CHRD: variants seen among roughly 807,000 people sequenced by gnomAD.
CHRD encodes chordin.
In CHRD, 69 loss-of-function variants were observed where a neutral mutation model predicts 113.7. That is an observed-to-expected ratio of 0.61 (90% CI 0.50 to 0.74). The LOEUF is 0.74. Ranked by LOEUF, CHRD falls within the 30% of genes least tolerant of loss-of-function variation. CHRD has a pLI of 0.00. For synonymous variants in CHRD, 561 were observed against 540.8 expected, an observed-to-expected ratio of 1.04 and a Z score of -0.52; for missense variants, 1,194 against 1,295.8, an observed-to-expected ratio of 0.92 and a Z score of 1.21.
In CHRD at chr3:184,380,510, G is replaced by T. The variant is rs1259558787; in HGVS notation, c.148+44G>T. The T allele has an allele frequency of 3.5e-6, 4 of 1,136,078 alleles. No individual in the cohort carries two copies. In the South Asian group the frequency reaches 1.2e-4, roughly 33 times the overall value. 70.4% of individuals were successfully genotyped at this position (1,136,078 alleles called of 1,614,324 possible). On this transcript the variant is annotated intron_variant, in intron 1 of 22. Transcript: ENST00000204604. The surrounding 1 kb of genome is among the most constrained non-coding windows in gnomAD (Gnocchi z 6.3). Reference sequence around the variant, plus strand: ...GAGGCGCGGGCGGGGAGTCGGGCTCGGGGCGAGTCAGCGCCAGCCCGGAGG... The same window carrying T: ...GAGGCGCGGGCGGGGAGTCGGGCTCTGGGCGAGTCAGCGCCAGCCCGGAGG...
At chr3:184,382,083 C>T (rs1025101962) in intron 6 of CHRD, 63 bp downstream of exon 6, 1 of 1,590,204 alleles carries the variant, frequency 6.3e-7, no homozygotes, top group Admixed American at 1.7e-5. Flanking sequence ...GCATGCTCTG[C>T]ATTGCCTCCC....
rs1715476170 is a variant in CHRD, at chr3:184,381,789, C to CCTCCGCTT, written c.589_596dup (p.Ile200AlafsTer63). The CCTCCGCTT allele has an allele frequency of 6.2e-7, 1 of 1,613,354 alleles. No homozygotes were observed. Among genetic ancestry groups the CCTCCGCTT allele is most frequent in the Non-Finnish European group, 8.5e-7 (1 of 1,179,958 alleles). ...CCCGAGTCTCGCTGCTGCGCTCTAG[C>CCTCCGCTT]CTCCGCTTCTCTATCTCCTACAGGC... On this transcript the variant is annotated frameshift_variant, in exon 5 of 23. Transcript: ENST00000204604. LOFTEE classifies it high-confidence loss of function. This position sits in a 1 kb window ranked among gnomAD's most constrained non-coding sequence, Gnocchi z 4.7.
intron 22 of CHRD, 63 bp downstream of exon 22, chr3:184,389,058 T>G: frequency 8.4e-7 from 1 of 1,190,070 alleles, no homozygotes; most frequent in African/African-American, 1.5e-5. Flanking sequence ...GTGGGACTCC[T>G]GATCAGGGAA....
chr3:184,386,693 C>T (rs1274001228), exon 16 of CHRD: 9 of 1,612,358 alleles, frequency 5.6e-6, no homozygotes, highest in East Asian at 4.5e-5. Flanking sequence ...GGGGCAGCAG[C>T]GCCCCCACGG....
In CHRD at chr3:184,384,490, T is replaced by C. The variant is rs562994938; in HGVS notation, c.1441-47T>C. 74 of 1,435,190 alleles carry C rather than the reference T, an allele frequency of 5.2e-5. 1 individual carries two copies. In the South Asian group the frequency reaches 1.1e-3, roughly 21 times the overall value. The allele number at this position is 1,435,190 out of a possible 1,614,324, so 88.9% of individuals were successfully genotyped here. A position where few individuals can be genotyped will look rare whatever the true frequency, so the allele number is the denominator to read the frequency against. On this transcript the variant is annotated intron_variant, in intron 12 of 22. Coordinates refer to ENST00000204604, the Ensembl canonical transcript of CHRD. The surrounding 1 kb of genome is among the most constrained non-coding windows in gnomAD (Gnocchi z 4.4). ...CAAAATGGTCCAAGACTTCAGAACC[T>C]TGGACTCGTGTGAGAGCTGAGAAGG...
chr3:184,385,230 G>A, exon 14 of CHRD: 7 of 1,612,762 alleles, frequency 4.3e-6, no homozygotes, highest in Non-Finnish European at 5.1e-6. Context: ...GGGATTCTAT[G>A]GCTCAGAGGT....
In CHRD at chr3:184,387,545, A is replaced by C; in HGVS notation, c.2451+68A>C. ...TCTGCAGAGATGGGGAGGGGCTGCC[A>C]GGTGAGGAAGGCCCGTCCTTGGTGA... is the stretch of plus-strand genomic sequence containing the variant. On this transcript the variant is annotated intron_variant, in intron 19 of 22. Coordinates refer to ENST00000204604, the Ensembl canonical transcript of CHRD. This position sits in a 1 kb window ranked among gnomAD's most constrained non-coding sequence, Gnocchi z 6.1. The C allele has an allele frequency of 7.2e-7, 1 of 1,388,540 alleles. No homozygotes were observed. The highest frequency in any genetic ancestry group is 2.4e-5 in the Admixed American group (1 of 40,950). The allele number at this position is 1,388,540 out of a possible 1,614,324, so 86.0% of individuals were successfully genotyped here.
At position 184,381,591 on chromosome 3, in the gene CHRD, G is replaced by A; in HGVS notation, c.478G>A (p.Ala160Thr). ...TTATAGCGACCGCGGGGAGCCAGGC[G>A]CTGAGGAGCGGGCCCGTGGTGACGG... The change falls in exon 4 of 23, where the codon GCT becomes ACT. Residue 160 changes from alanine (A) to threonine (T), a missense_variant. By Grantham distance (58) the Ala-to-Thr change is moderately conservative. Coordinates refer to ENST00000204604, the Ensembl canonical transcript of CHRD. The surrounding 1 kb of genome is among the most constrained non-coding windows in gnomAD (Gnocchi z 4.7). The A allele has an allele frequency of 1.9e-6, 3 of 1,607,990 alleles. No homozygotes were observed. The highest frequency in any genetic ancestry group is 2.5e-6 in the Non-Finnish European group (3 of 1,177,372).
chr3:184,388,879 C>T lies in CHRD; in HGVS notation c.2710-14C>T, dbSNP rs772963119. 5.0e-6 allele frequency: 8 copies of T among 1,611,168 alleles called. No homozygotes were observed. The highest frequency in any genetic ancestry group is 1.3e-5 in the African/African-American group (1 of 74,906). On this transcript the variant is annotated splice_polypyrimidine_tract_variant and intron_variant, in intron 21 of 22. Transcript: ENST00000204604. This position sits in a 1 kb window ranked among gnomAD's most constrained non-coding sequence, Gnocchi z 6.1. ...CTCTGGGGGACACTCAGTGTCTGCT[C>T]TGTCTTGTACCAGGCAGGGGTGCCT... is the stretch of plus-strand genomic sequence containing the variant.
intron 11 of CHRD, 36 bp downstream of exon 11, chr3:184,383,454 T>A: frequency 6.2e-7 from 1 of 1,612,486 alleles, no homozygotes; most frequent in Non-Finnish European, 8.5e-7. Context: ...GGGGGAGGGG[T>A]GGCGTGGGCA....
Position 184,381,335 on chromosome 3 carries a change from C to T in CHRD, c.353C>T (p.Pro118Leu), listed in dbSNP as rs201984321. 3.7e-6 allele frequency: 6 copies of T among 1,603,468 alleles called. No homozygotes were observed. The highest frequency in any genetic ancestry group is 1.1e-5 in the South Asian group (1 of 89,964). The stretch of plus-strand genomic sequence containing the variant: ...GCCTGTGGGCAGCCGCGCCAGCTGC[C>T]GGGACACTGCTGCCAGACCTGCCCC... The change falls in exon 3 of 23, where the codon CCG (proline) becomes CTG (leucine). Residue 118 changes from proline to leucine, a missense_variant. Pro to Leu is a moderately conservative substitution (Grantham distance 98). Coordinates refer to ENST00000204604, the Ensembl canonical transcript of CHRD. The surrounding 1 kb of genome is among the most constrained non-coding windows in gnomAD (Gnocchi z 4.7).
Position 184,381,827 on chromosome 3 carries a change from G to A in CHRD, c.611+12G>A, listed in dbSNP as rs1222280411. ...ATCTCCTACAGGCGGTGAGAAAGGG[G>A]AAGGAGCAAGGAGGGGTCAGCTGCC... On this transcript the variant is annotated intron_variant, in intron 5 of 22. Coordinates refer to ENST00000204604, the Ensembl canonical transcript of CHRD. This position sits in a 1 kb window ranked among gnomAD's most constrained non-coding sequence, Gnocchi z 4.7. 7 of 1,612,492 alleles carry A rather than the reference G, an allele frequency of 4.3e-6. No homozygotes were observed. The highest frequency in any genetic ancestry group is 2.7e-5 in the African/African-American group (2 of 74,928).
At chr3:184,385,349 G>C in intron 14 of CHRD, 111 bp downstream of exon 14, 1 of 750,704 alleles carries the variant, frequency 1.3e-6, no homozygotes, top group Non-Finnish European at 2.2e-6. Context: ...GTATAGAAGA[G>C]CTGGCATAAA....
rs1170976903 is a variant in CHRD, at chr3:184,387,992, C to T, written c.2513C>T (p.Pro838Leu). ...TGTCCCCGGCTGGCCTGTGCCCAGC[C>T]TGTGCGTGTCAACCCCACCGACTGC... Residue 838 changes from proline to leucine, a missense_variant, in exon 20 of 23, where the codon CCT becomes CTT. Coordinates refer to ENST00000204604, the Ensembl canonical transcript of CHRD. This position sits in a 1 kb window ranked among gnomAD's most constrained non-coding sequence, Gnocchi z 6.1. The T allele has an allele frequency of 6.2e-7, 1 of 1,613,792 alleles. No individual in the cohort carries two copies. Among genetic ancestry groups the T allele is most frequent in the East Asian group, 2.2e-5 (1 of 44,864 alleles).
exon 11 of CHRD, chr3:184,383,396 G>A: frequency 1.2e-6 from 2 of 1,614,060 alleles, no homozygotes; most frequent in Non-Finnish European, 8.5e-7. Context: ...ACGCTGCTAG[G>A]AAATGGCTCC....
At position 184,381,810 on chromosome 3, in the gene CHRD, C is replaced by A; in HGVS notation, c.606C>A (p.Tyr202Ter). 4 of 1,613,078 alleles carry A rather than the reference C, an allele frequency of 2.5e-6. No individual in the cohort carries two copies. The highest frequency in any genetic ancestry group is 2.5e-6 in the Non-Finnish European group (3 of 1,179,762). ...CTAGCCTCCGCTTCTCTATCTCCTA[C>A]AGGCGGTGAGAAAGGGGAAGGAGCA... The change falls in exon 5 of 23, where the codon TAC (tyrosine) becomes TAA (stop). Residue 202 changes from tyrosine to a stop codon, truncating the protein, a stop_gained. Coordinates refer to ENST00000204604, the Ensembl canonical transcript of CHRD. LOFTEE classifies it high-confidence loss of function. The surrounding 1 kb of genome is among the most constrained non-coding windows in gnomAD (Gnocchi z 4.7).
At chr3:184,383,699 C>G in intron 12 of CHRD, 57 bp downstream of exon 12, 1 of 1,534,654 alleles carries the variant, frequency 6.5e-7, no homozygotes, top group Middle Eastern at 1.8e-4. Flanking sequence ...TGTGGGAAGC[C>G]AGGTTGGATG....
chr3:184,385,902 G>T, intron 14 of CHRD, 144 bp from the exon 15 acceptor site: 1 of 805,436 alleles, frequency 1.2e-6, no homozygotes, highest in Non-Finnish European at 2.0e-6. Context: ...TGGCTTCCAA[G>T]CTCCACACTA....
rs762973881 is a variant in CHRD at position 184,388,914 on chromosome 3, C to T, written c.2731C>T (p.Arg911Trp). 24 of 1,613,038 alleles carry T rather than the reference C, an allele frequency of 1.5e-5. 1 individual carries two copies. The highest frequency in any genetic ancestry group is 1.4e-4 in the South Asian group (13 of 91,090). ...CCAGGCAGGGGTGCCTCACTGTGAG[C>T]GGGATGACTGTTCACTGCCACTGTC... Residue 911 changes from arginine (R) to tryptophan (W), a missense_variant, in exon 22 of 23, where the codon CGG (arginine) becomes TGG (tryptophan). Transcript: ENST00000204604. The surrounding 1 kb of genome is among the most constrained non-coding windows in gnomAD (Gnocchi z 6.1).
Sources: allele counts gnomAD v4.1 joint callset, GRCh38; gene constraint gnomAD v4.1.1; non-coding constraint Gnocchi (gnomAD v3.1); transcripts MANE v1.5; gene names NCBI Gene and HGNC (gene_info 2026-07-23, HGNC 2026-07-21).